The following SHC4 variants were observed in gnomAD, a reference collection of about 807,000 sequenced individuals.
SHC4 encodes the protein SHC adaptor protein 4, also known as SHC-transforming protein 4.
In SHC4, 41 loss-of-function variants were observed where a neutral mutation model predicts 69.4. That is an observed-to-expected ratio of 0.59 (90% CI 0.46 to 0.77). The LOEUF is 0.77. Among genes scored for constraint, SHC4 ranks in the 30% least tolerant of loss-of-function variants. The pLI is 0.00. For synonymous variants in SHC4, 318 were observed against 299.3 expected, an observed-to-expected ratio of 1.06 and a Z score of -0.64; for missense variants, 777 against 783.8, an observed-to-expected ratio of 0.99 and a Z score of 0.10.
At chr15:48,839,723 G>A (rs1421962788) in intron 10 of SHC4, among the ~76,000 whole-genome samples, 3 of 152,208 alleles carry the variant, frequency 2.0e-5, no homozygotes, top group Non-Finnish European at 4.4e-5. Context: ...AGACAACTTG[G>A]CAGATAATAA....
chr15:48,925,666 G>C (rs1002568), intron 1 of SHC4, among the ~76,000 whole-genome samples: 2 of 152,204 alleles, frequency 1.3e-5, no homozygotes, highest in Non-Finnish European at 2.9e-5. Flanking sequence ...GACTTATAAA[G>C]CTGAAAGATG....
At chr15:48,955,436 C>T (rs549148718) in intron 1 of SHC4, among the ~76,000 whole-genome samples, 2 of 151,980 alleles carry the variant, frequency 1.3e-5, no homozygotes, top group Admixed American at 6.6e-5. Flanking sequence ...ATGATAACAC[C>T]GTATTGGCTT....
Position 48,826,070 on chromosome 15 carries a change from C to A in SHC4, c.1794G>T (p.Met598Ile). The change falls in exon 12 of 12, where the codon ATG becomes ATT. Residue 598 changes from methionine (M) to isoleucine (I), a missense_variant. By Grantham distance (10) the Met-to-Ile change is conservative. Coordinates refer to ENST00000332408, the MANE Select transcript of SHC4 (RefSeq NM_203349.4). ...DNVGHLIRYH[M>I]DNSLPIISSG... ...AGGAGATGATTGGCAAACTGTTATC[C>A]ATATGGTATCTGATAAGGTGGCCGA... is the stretch of plus-strand genomic sequence containing the variant. The A allele has an allele frequency of 6.2e-7, 1 of 1,613,830 alleles. No individual in the cohort carries two copies. Among genetic ancestry groups the A allele is most frequent in the Non-Finnish European group, 8.5e-7 (1 of 1,179,926 alleles).
At chr15:48,933,445 AC>A (rs1901008937) in intron 1 of SHC4, among the ~76,000 whole-genome samples, 1 of 152,204 alleles carries the variant, frequency 6.6e-6, no homozygotes, top group Admixed American at 6.6e-5. Context: ...AATGGAAAAA[AC>A]ATCCCATGTT....
chr15:48,941,006 C>A (rs1158558080), intron 1 of SHC4, among the ~76,000 whole-genome samples: 1 of 152,130 alleles, frequency 6.6e-6, no homozygotes, highest in Non-Finnish European at 1.5e-5. Context: ...AATTCTGACT[C>A]CTGATAATAT....
intron 1 of SHC4, among the ~76,000 whole-genome samples, chr15:48,937,533 CA>C (rs1428866501): frequency 6.6e-6 from 1 of 152,096 alleles, no homozygotes; most frequent in African/African-American, 2.4e-5. Context: ...AGGGGAGACT[CA>C]TGCCTTGCAT....
intron 2 of SHC4, among the ~76,000 whole-genome samples, chr15:48,924,089 A>G (rs1296379126): frequency 2.0e-5 from 3 of 152,102 alleles, no homozygotes; most frequent in Non-Finnish European, 2.9e-5. Flanking sequence ...CTACATGACA[A>G]TATTCACCTT....
intron 9 of SHC4, among the ~76,000 whole-genome samples, chr15:48,845,378 GGGGTATCCTAAAACAC>G (rs1899067745): frequency 6.6e-6 from 1 of 152,162 alleles, no homozygotes; most frequent in East Asian, 1.9e-4. Context: ...CTCTGTATGT[GGGGTATCCTAAAACAC>G]GAGTGAGGTT....
chr15:48,842,158 TTTTA>T (rs1178701177), intron 10 of SHC4, among the ~76,000 whole-genome samples: 15 of 152,232 alleles, frequency 9.9e-5, no homozygotes, highest in African/African-American at 1.4e-4. Flanking sequence ...CTTGTTTTAT[TTTTA>T]TTTATGTTCC....
intron 1 of SHC4, among the ~76,000 whole-genome samples, chr15:48,938,668 C>T (rs910161125): frequency 6.6e-6 from 1 of 151,734 alleles, no homozygotes; most frequent in Non-Finnish European, 1.5e-5. Flanking sequence ...CACCTTCAGC[C>T]TTTTTGCTGA....
chr15:48,911,592 ATTGAAGAGCATTCATCGTGCTC>A (rs1463720124), intron 2 of SHC4, among the ~76,000 whole-genome samples: 1 of 152,038 alleles, frequency 6.6e-6, no homozygotes, highest in Non-Finnish European at 1.5e-5. Context: ...TGAGGTTTAG[ATTGAAGAGCATTCATCGTGCTC>A]TTTGTTGCCT....
chr15:48,915,213 G>T (rs116277642), intron 2 of SHC4, among the ~76,000 whole-genome samples: 231 of 152,262 alleles, frequency 1.5e-3, no homozygotes, highest in African/African-American at 5.2e-3. Flanking sequence ...CAAACAAATA[G>T]TAACTATGTG....
intron 3 of SHC4, among the ~76,000 whole-genome samples, chr15:48,890,031 A>G (rs1900107376): frequency 6.6e-6 from 1 of 152,256 alleles, no homozygotes; most frequent in South Asian, 2.1e-4. Context: ...AGTGTAATAG[A>G]TGCCAGACGC....
chr15:48,928,467 G>A (rs761125306), intron 1 of SHC4, among the ~76,000 whole-genome samples: 1 of 152,026 alleles, frequency 6.6e-6, no homozygotes, highest in African/African-American at 2.4e-5. Flanking sequence ...AGGGACAAAC[G>A]GAAACAGCTG....
intron 2 of SHC4, among the ~76,000 whole-genome samples, chr15:48,917,609 G>C (rs927532812): frequency 1.3e-5 from 2 of 152,120 alleles, no homozygotes; most frequent in Non-Finnish European, 2.9e-5. Context: ...AATCAGCCAA[G>C]GGGATGAATG....
At chr15:48,888,353 A>G (rs1448473615) in intron 3 of SHC4, among the ~76,000 whole-genome samples, 4 of 152,196 alleles carry the variant, frequency 2.6e-5, no homozygotes, top group Non-Finnish European at 5.9e-5. Flanking sequence ...AAGTGAATTA[A>G]GCCAGTCATA....
chr15:48,867,757 G>A (rs1595738162), intron 6 of SHC4, 61 bp downstream of exon 6: 2 of 1,385,678 alleles, frequency 1.4e-6, no homozygotes, highest in East Asian at 4.6e-5. Context: ...ATAACTGTTG[G>A]TTACTTTTTA....
intron 8 of SHC4, among the ~76,000 whole-genome samples, 179 bp from the exon 9 acceptor site, chr15:48,851,427 G>T (rs949741583): frequency 6.6e-6 from 1 of 152,188 alleles, no homozygotes; most frequent in East Asian, 1.9e-4. Context: ...ACTCTTCATA[G>T]TTCATCGCCT....
intron 5 of SHC4, among the ~76,000 whole-genome samples, chr15:48,869,524 G>C (rs1054054403): frequency 6.6e-5 from 10 of 152,166 alleles, no homozygotes; most frequent in Admixed American, 6.5e-5. Flanking sequence ...TTGTGACTGT[G>C]TGCCAGGACC....
Sources: gnomAD v4.1 joint callset for allele counts (sites outside exome capture counted in the v4.1 genomes callset) on GRCh38, gnomAD v4.1.1 for gene constraint, MANE v1.5 for transcripts, NCBI Gene and HGNC (gene_info 2026-07-23, HGNC 2026-07-21) for gene names.